Variants in UNC79 observed in about 807,000 individuals in gnomAD.
UNC79 encodes the protein protein unc-79 homolog.
In UNC79, 37 loss-of-function variants were observed where a neutral mutation model predicts 283.1. The ratio of observed to expected loss-of-function variants is 0.13; its 90% CI spans 0.10 to 0.17. UNC79 has a LOEUF of 0.17. UNC79 is among the 10% of genes least tolerant of loss of function. The pLI is 1.00. For synonymous variants in UNC79, 1,107 were observed against 1,200.2 expected (o/e 0.92, Z 1.61); for missense variants, 2,272 against 3,211.1 (o/e 0.71, Z 7.07).
At chr14:93,355,623 G>A (rs1402298505) in intron 1 of UNC79, among the ~76,000 whole-genome samples, 4 of 152,262 alleles carry the variant, frequency 2.6e-5, no homozygotes, top group Admixed American at 6.5e-5. Context: ...GTGAGCCACC[G>A]TGCCTAATTT....
In UNC79 at chr14:93,679,414, G is replaced by A. The variant is rs75022960; in HGVS notation, c.6742-3203G>A. Reference sequence around the variant, plus strand: ...ACAGAGGTTGCAGTGAGCCGAGATCGCGCGACTGCACTCCAGCCTGGCAAC... The same window carrying A: ...ACAGAGGTTGCAGTGAGCCGAGATCACGCGACTGCACTCCAGCCTGGCAAC... On this transcript the variant is annotated intron_variant, in intron 41 of 48. Transcript: ENST00000555664. Among the ~76,000 whole-genome samples, 13 of 152,062 alleles carry A rather than the reference G, an allele frequency of 8.5e-5. No individual in the cohort carries two copies. The East Asian group carries it at 1.2e-3, about 14-fold the overall frequency.
upstream of UNC79, among the ~76,000 whole-genome samples, chr14:93,425,710 C>T (rs1200735828): frequency 6.6e-6 from 1 of 152,078 alleles, no homozygotes; most frequent in Admixed American, 6.6e-5. Flanking sequence ...TAAACATAAA[C>T]ATAAATTTAA....
chr14:93,368,350 TA>T (rs1324706570), intron 1 of UNC79, among the ~76,000 whole-genome samples: 1 of 152,160 alleles, frequency 6.6e-6, no homozygotes, highest in African/African-American at 2.4e-5. Context: ...AACACCCCTC[TA>T]AAAAAGTTTA....
At chr14:93,367,162 C>G (rs1049020600) in intron 1 of UNC79, among the ~76,000 whole-genome samples, 1 of 151,916 alleles carries the variant, frequency 6.6e-6, no homozygotes, top group Admixed American at 6.6e-5. Context: ...CAAAACAAAT[C>G]TATTATCACA....
intron 13 of UNC79, among the ~76,000 whole-genome samples, chr14:93,541,040 G>A (rs77939082): frequency 0.01 from 1,574 of 152,304 alleles, 34 homozygotes; most frequent in African/African-American, 0.036. Context: ...TGCCCAGATC[G>A]CATTCCAGAA....
chr14:93,375,815 C>G (rs189117912), intron 1 of UNC79, among the ~76,000 whole-genome samples: 1 of 152,204 alleles, frequency 6.6e-6, no homozygotes, highest in Non-Finnish European at 1.5e-5. Flanking sequence ...CCAATCATCT[C>G]CCACCAGGCA....
intron 14 of UNC79, among the ~76,000 whole-genome samples, chr14:93,554,612 C>A (rs2062064958): frequency 6.6e-6 from 1 of 152,116 alleles, no homozygotes; most frequent in African/African-American, 2.4e-5. Flanking sequence ...AGCCCAGATT[C>A]TGGCCCTGTG....
In UNC79 at chr14:93,467,809, C is replaced by A; in HGVS notation, c.143+18C>A. 1 of 1,485,934 alleles carries A rather than the reference C, an allele frequency of 6.7e-7. No homozygotes were observed. The highest frequency in any genetic ancestry group is 1.4e-5 in the South Asian group (1 of 72,582). 92.0% of individuals were successfully genotyped at this position (1,485,934 alleles called of 1,614,324 possible). On this transcript the variant is annotated intron_variant, in intron 2 of 48. Transcript: ENST00000555664. Reference sequence around the variant, plus strand: ...TTGTTAAGGTAAGCTTTACAATATCCTCTACTTTGAGAGAATTATTAGGTA... The same window carrying A: ...TTGTTAAGGTAAGCTTTACAATATCATCTACTTTGAGAGAATTATTAGGTA...
chr14:93,595,717 G>A (rs921970553), intron 23 of UNC79, among the ~76,000 whole-genome samples: 1 of 152,152 alleles, frequency 6.6e-6, no homozygotes, highest in Non-Finnish European at 1.5e-5. Flanking sequence ...AGTGGTTTAT[G>A]TATCCCCGGA....
chr14:93,402,566 G>A (rs766955353), intron 1 of UNC79, among the ~76,000 whole-genome samples: 7 of 151,970 alleles, frequency 4.6e-5, no homozygotes, highest in African/African-American at 9.7e-5. Context: ...GGATACACAC[G>A]GGATTGGACA....
chr14:93,699,404 A>G (rs572461331), intron 47 of UNC79, among the ~76,000 whole-genome samples: 1 of 152,320 alleles, frequency 6.6e-6, no homozygotes, highest in South Asian at 2.1e-4. Context: ...TTCAAACATC[A>G]GCATTTAGTG....
At chr14:93,623,223 A>G (rs2067277010) in intron 30 of UNC79, among the ~76,000 whole-genome samples, 1 of 152,222 alleles carries the variant, frequency 6.6e-6, no homozygotes, top group Non-Finnish European at 1.5e-5. Context: ...CTAGTGAGCT[A>G]TGATATAGTC....
chr14:93,517,245 CTCTT>C lies in UNC79; in HGVS notation c.899-6727_899-6724del, dbSNP rs1284779878. ...CCTTCCTTCTTTCCTTCCTTCCTTTCTCTTTCTTTTTCTCCTCTTTTCCTTTTCT... is the reference window on the plus strand; with the variant it reads ...CCTTCCTTCTTTCCTTCCTTCCTTTCTCTTTTTCTCCTCTTTTCCTTTTCT... On this transcript the variant is annotated intron_variant, in intron 7 of 48. Transcript: ENST00000555664. Among the ~76,000 whole-genome samples, 41 of 145,958 alleles carry C rather than the reference CTCTT, an allele frequency of 2.8e-4. 1 individual carries two copies. The Admixed American group carries it at 2.8e-3, about 10-fold the overall frequency.
intron 25 of UNC79, among the ~76,000 whole-genome samples, chr14:93,601,811 G>A (rs538274971): frequency 1.3e-5 from 2 of 152,246 alleles, no homozygotes; most frequent in Admixed American, 6.5e-5. Flanking sequence ...GGAGTAAGGT[G>A]GTATCTCATT....
chr14:93,430,776 C>G lies in UNC79; in HGVS notation c.-254C>G. ...CAACGCGGGCAGCTCCAGGAGGGGA[C>G]GGACAGGAAGCCTTTGGCCGCCTAT... On this transcript the variant is annotated 5_prime_UTR_variant, in exon 1 of 49. Transcript: ENST00000555664. The surrounding 1 kb of genome is among the most constrained non-coding windows in gnomAD (Gnocchi z 4.6). 1 of 439,190 alleles carries G rather than the reference C, an allele frequency of 2.3e-6. No individual in the cohort carries two copies. The highest frequency in any genetic ancestry group is 2.7e-5 in the South Asian group (1 of 36,750). 27.2% of individuals were successfully genotyped at this position (439,190 alleles called of 1,614,324 possible).
intron 14 of UNC79, among the ~76,000 whole-genome samples, chr14:93,547,154 A>T (rs908431942): frequency 1.4e-5 from 2 of 148,064 alleles, no homozygotes; most frequent in African/African-American, 4.9e-5. Context: ...GTCTACCATC[A>T]GACAAAGAAG....
At chr14:93,383,166 C>T (rs1162453815) in intron 1 of UNC79, among the ~76,000 whole-genome samples, 1 of 152,132 alleles carries the variant, frequency 6.6e-6, no homozygotes, top group Non-Finnish European at 1.5e-5. Flanking sequence ...GGGTCTTTCT[C>T]ATGGTCATAT....
At chr14:93,623,146 C>T (rs2067269441) in intron 30 of UNC79, among the ~76,000 whole-genome samples, 1 of 152,246 alleles carries the variant, frequency 6.6e-6, no homozygotes, top group African/African-American at 2.4e-5. Flanking sequence ...GGTATCATCT[C>T]AGCCTTCCTC....
rs535146460 is a variant in UNC79 at position 93,374,364 on chromosome 14, A to C, written c.-351+40841A>C. Among the ~76,000 whole-genome samples the C allele has an allele frequency of 5.1e-3, 784 of 152,310 alleles. 3 individuals are homozygous for C. Among genetic ancestry groups the C allele is most frequent in the Non-Finnish European group, 8.0e-3 (543 of 68,018 alleles). ...TCAACCTTGCCCCAGTGTGTTCAGT[A>C]GGTAGAACATGGAGTCAAAAGCAAT... is the stretch of plus-strand genomic sequence containing the variant. On this transcript the variant is annotated intron_variant, in intron 1 of 49. Coordinates refer to the UNC79 transcript ENST00000256339.
Sources: gnomAD v4.1 joint callset for allele counts (sites outside exome capture counted in the v4.1 genomes callset) on GRCh38, gnomAD v4.1.1 for gene constraint, Gnocchi (gnomAD v3.1) non-coding constraint, MANE v1.5 for transcripts, NCBI Gene and HGNC (gene_info 2026-07-23, HGNC 2026-07-21) for gene names.